The following BIN3 variants were observed in gnomAD, a reference collection of about 807,000 sequenced individuals.
The protein encoded by BIN3 is bridging integrator 3.
BIN3 carries 41 observed loss-of-function variants against 38.2 expected under a neutral mutation model. The ratio of observed to expected loss-of-function variants is 1.07; its 90% CI spans 0.84 to 1.39. The LOEUF is 1.39. BIN3 is among the 40% of genes most tolerant of loss of function. BIN3 has a pLI of 0.00. For missense variants in BIN3, 361 were observed against 324.3 expected (o/e 1.11, Z -0.87); for synonymous variants, 145 against 122.6 (o/e 1.18, Z -1.21).
intron 3 of BIN3, 21 bp downstream of exon 3, chr8:22,636,901 C>T: frequency 6.2e-7 from 1 of 1,610,580 alleles, no homozygotes; most frequent in African/African-American, 1.3e-5. Context: ...CCCACCTCAT[C>T]TTTCTGGGGT....
intron 4 of BIN3, among the ~76,000 whole-genome samples, chr8:22,634,004 A>G (rs965081376): frequency 6.6e-6 from 1 of 152,246 alleles, no homozygotes. Context: ...TTCCACAGCC[A>G]TGGACGGTGC....
intron 1 of BIN3, 47 bp downstream of exon 1, chr8:22,668,997 C>A (rs1257640352): frequency 1.3e-6 from 2 of 1,554,774 alleles, no homozygotes; most frequent in Admixed American, 3.9e-5. Flanking sequence ...CCAGGGGCCT[C>A]GCGGGTCCGC....
chr8:22,669,030 T>C lies in BIN3; in HGVS notation c.8+14A>G, dbSNP rs1345592160. On this transcript the variant is annotated intron_variant, in intron 1 of 8. Coordinates refer to ENST00000276416, the MANE Select transcript of BIN3 (RefSeq NM_018688.6). ...CGCGGGTCCAGCAGCTCCCGCCGCCTGGGCCTCACTCACCAGCTCATGGTC... is the reference window on the plus strand; with the variant it reads ...CGCGGGTCCAGCAGCTCCCGCCGCCCGGGCCTCACTCACCAGCTCATGGTC... The C allele has an allele frequency of 1.3e-6, 2 of 1,581,478 alleles. No homozygotes were observed. The highest frequency in any genetic ancestry group is 1.2e-5 in the South Asian group (1 of 86,400).
intron 4 of BIN3, among the ~76,000 whole-genome samples, chr8:22,632,470 G>A (rs950488814): frequency 3.9e-5 from 6 of 152,166 alleles, no homozygotes; most frequent in East Asian, 1.9e-4. Flanking sequence ...TTGAAGCAAC[G>A]GAGGGAAAAA....
chr8:22,630,367 T>A lies in BIN3; in HGVS notation c.297+75A>T, dbSNP rs1015446247. ...AGAGCAGAGGGAGCCCACTCGGGCC[T>A]CCCCGCACAGTCCACCCAGAGGCCC... On this transcript the variant is annotated intron_variant, in intron 5 of 8. Coordinates refer to ENST00000276416, the MANE Select transcript of BIN3 (RefSeq NM_018688.6). 62 of 1,584,590 alleles carry A rather than the reference T, an allele frequency of 3.9e-5. No individual in the cohort carries two copies. In the African/African-American group the frequency reaches 5.9e-4, roughly 15 times the overall value.
In BIN3 at chr8:22,641,641, C is replaced by T. The variant is rs3779726; in HGVS notation, c.57+3114G>A. Among the ~76,000 whole-genome samples the T allele has an allele frequency of 2.4e-3, 360 of 152,262 alleles. 7 individuals are homozygous for T. The East Asian group carries it at 0.062, about 26-fold the overall frequency. On this transcript the variant is annotated intron_variant, in intron 2 of 8. Transcript: ENST00000276416. ...TTCTAGCAGGATTAAGCAGGATTAA[C>T]GAGGCTAAGGGCCCCGCCACCTGGC...
At chr8:22,623,034 G>A (rs550087114) in intron 8 of BIN3, among the ~76,000 whole-genome samples, 2 of 152,340 alleles carry the variant, frequency 1.3e-5, no homozygotes, top group East Asian at 1.9e-4. Context: ...CGGGCCTGCA[G>A]GAAATGGCCA....
intron 1 of BIN3, among the ~76,000 whole-genome samples, chr8:22,651,304 T>C (rs763122248): frequency 6.6e-6 from 1 of 152,262 alleles, no homozygotes; most frequent in Non-Finnish European, 1.5e-5. Context: ...TCAGGTGTTC[T>C]CTCCTTTGCA....
chr8:22,626,527 C>G (rs916239935), intron 6 of BIN3: 6 of 152,270 alleles, frequency 3.9e-5, no homozygotes, highest in Non-Finnish European at 8.8e-5. Flanking sequence ...GGTCCTCGCC[C>G]TGATCCTTGT....
chr8:22,625,660 T>G lies in BIN3; in HGVS notation c.339-1297A>C, dbSNP rs1801980249. On this transcript the variant is annotated intron_variant, in intron 6 of 8. Transcript: ENST00000276416. ...TGGAGTACAGTGGTATGATCTCTGC[T>G]CACTGCAGCCTCCACCTCCTGGGTT... 3 of 448,210 alleles carry G rather than the reference T, an allele frequency of 6.7e-6. No individual in the cohort carries two copies. In the Admixed American group the frequency reaches 1.0e-4, roughly 15 times the overall value. The allele number at this position is 448,210 out of a possible 1,614,324, so 27.8% of individuals were successfully genotyped here.
chr8:22,661,129 C>T (rs1803222593), intron 1 of BIN3, among the ~76,000 whole-genome samples: 1 of 152,150 alleles, frequency 6.6e-6, no homozygotes, highest in African/African-American at 2.4e-5. Flanking sequence ...AAGCGATCCT[C>T]CCGCCTTGGC....
chr8:22,637,408 C>T (rs1802405450), intron 2 of BIN3, among the ~76,000 whole-genome samples: 1 of 152,174 alleles, frequency 6.6e-6, no homozygotes, highest in Middle Eastern at 3.2e-3. Context: ...ACCTCCCCTC[C>T]TACGCGGCCC....
intron 1 of BIN3, among the ~76,000 whole-genome samples, chr8:22,661,132 G>A (rs557060064): frequency 7.2e-5 from 11 of 152,066 alleles, no homozygotes; most frequent in Admixed American, 3.9e-4. Context: ...CGATCCTCCC[G>A]CCTTGGCCTC....
At chr8:22,625,203 G>C in intron 6 of BIN3, 1 of 652,084 alleles carries the variant, frequency 1.5e-6, no homozygotes, top group East Asian at 2.7e-5. Flanking sequence ...CCTCGTCTTT[G>C]TGGATCATGT....
Position 22,636,562 on chromosome 8 carries a change from C to T in BIN3, c.123G>A (p.Leu41=), listed in dbSNP as rs768226112. Residue 41 remains leucine, a synonymous_variant, in exon 4 of 9, where the codon CTG becomes CTA. Coordinates refer to ENST00000276416, the MANE Select transcript of BIN3 (RefSeq NM_018688.6). ...CGGTGCTCTTCTTCATGTCTTTCTG[C>T]AGCCTCCGGGTCTGCTCTTCCAGCC... The part of the protein sequence containing the change: ...LQQLEEQTRR[L]QKDMKKSTDA... 3.2e-6 allele frequency: 5 copies of T among 1,552,648 alleles called. No homozygotes were observed. In the South Asian group the frequency reaches 4.8e-5, roughly 15 times the overall value.
rs756377528 is a variant in BIN3, at chr8:22,669,027, G to A, written c.8+17C>T. ...GTCCGCGGGTCCAGCAGCTCCCGCC[G>A]CCTGGGCCTCACTCACCAGCTCATG... On this transcript the variant is annotated intron_variant, in intron 1 of 8. Transcript: ENST00000276416. The A allele has an allele frequency of 1.9e-6, 3 of 1,579,100 alleles. No homozygotes were observed. The highest frequency in any genetic ancestry group is 2.3e-5 in the South Asian group (2 of 86,194).
At chr8:22,624,604 C>T (rs187225674) in intron 6 of BIN3, 551 of 504,160 alleles carry the variant, frequency 1.1e-3, no homozygotes, top group Middle Eastern at 2.1e-3. Flanking sequence ...GGAGCTTGTG[C>T]GAACGTGGAC....
intron 2 of BIN3, among the ~76,000 whole-genome samples, chr8:22,637,542 T>A (rs565497295): frequency 1.5e-3 from 235 of 152,268 alleles, no homozygotes; most frequent in Non-Finnish European, 2.4e-3. Flanking sequence ...TCAGGCTCTC[T>A]CCATTCCCGA....
Position 22,625,147 on chromosome 8 carries a change from C to G in BIN3, c.339-784G>C, listed in dbSNP as rs560930318. The G allele has an allele frequency of 2.9e-4, 171 of 585,630 alleles. 1 individual carries two copies. The highest frequency in any genetic ancestry group is 2.8e-3 in the African/African-American group (152 of 54,138). The allele number at this position is 585,630 out of a possible 1,614,324, so 36.3% of individuals were successfully genotyped here. ...GTGGGAGACTCAGAGGAGTGGCCCT[C>G]AGAGAGAGCAGCAGTGGACGATGCA... On this transcript the variant is annotated intron_variant, in intron 6 of 8. Coordinates refer to ENST00000276416, the MANE Select transcript of BIN3 (RefSeq NM_018688.6).
Sources: gnomAD v4.1 joint callset for allele counts (sites outside exome capture counted in the v4.1 genomes callset) on GRCh38, gnomAD v4.1.1 for gene constraint, MANE v1.5 for transcripts, NCBI Gene and HGNC (gene_info 2026-07-23, HGNC 2026-07-21) for gene names.